Variants in SYT7 observed in about 807,000 individuals in gnomAD.
SYT7 encodes the protein synaptotagmin-7.
A neutral mutation model predicts 75.1 loss-of-function variants in SYT7; 29 were observed. The ratio of observed to expected loss-of-function variants is 0.39; its 90% CI spans 0.29 to 0.53. SYT7 has a LOEUF of 0.53. Ranked by LOEUF, SYT7 falls within the 20% of genes least tolerant of loss-of-function variation. The probability of loss-of-function intolerance (pLI) is 0.77; values close to 1 mark genes in which losing one functional copy is unlikely to be tolerated. For synonymous variants in SYT7, 376 were observed against 401.7 expected (o/e 0.94, Z 0.76); for missense variants, 693 against 953.2 (o/e 0.73, Z 3.59).
upstream of SYT7, among the ~76,000 whole-genome samples, chr11:61,585,854 G>C (rs1362761475): frequency 6.6e-6 from 1 of 152,130 alleles, no homozygotes; most frequent in East Asian, 1.9e-4. Flanking sequence ...ACCTCTGCCT[G>C]TTTCTCTGTT....
In SYT7 at chr11:61,553,294, C is replaced by T. The variant is rs2063404901; in HGVS notation, c.136-1831G>A. ...GCAGGACCCTCAGGCAGGAGCCCCG[C>T]CCCACTATTCTCCAGCACACAGGCA... On this transcript the variant is annotated intron_variant, in intron 2 of 12. Coordinates refer to ENST00000539008, the MANE Select transcript of SYT7 (RefSeq NM_001365809.2). This position sits in a 1 kb window ranked among gnomAD's most constrained non-coding sequence, Gnocchi z 5.2. 1.3e-5 allele frequency among the ~76,000 whole-genome samples: 2 copies of T among 152,238 alleles called. No homozygotes were observed. Among genetic ancestry groups the T allele is most frequent in the Non-Finnish European group, 2.9e-5 (2 of 68,036 alleles).
chr11:61,554,893 G>T (rs920373812), intron 2 of SYT7, among the ~76,000 whole-genome samples: 2 of 152,202 alleles, frequency 1.3e-5, no homozygotes, highest in African/African-American at 4.8e-5. Context: ...CTCCTCCCCA[G>T]GGGTCGGAGC....
chr11:61,551,379 C>T lies in SYT7; in HGVS notation c.215+5G>A. 6.2e-7 allele frequency: 1 copy of T among 1,613,700 alleles called. No homozygotes were observed. Among genetic ancestry groups the T allele is most frequent in the Non-Finnish European group, 8.5e-7 (1 of 1,179,908 alleles). On this transcript the variant is annotated splice_donor_5th_base_variant and intron_variant, in intron 3 of 12. Transcript: ENST00000539008. The surrounding 1 kb of genome is among the most constrained non-coding windows in gnomAD (Gnocchi z 5.3). ...CCCATCCCAAACTAGCAGCCTGGCA[C>T]CTACTTGATAGCCTTCTTCTCACTG...
chr11:61,525,229 G>A (rs919934289), intron 9 of SYT7, among the ~76,000 whole-genome samples: 1 of 152,230 alleles, frequency 6.6e-6, no homozygotes, highest in African/African-American at 2.4e-5. Flanking sequence ...GGCAGCCAGA[G>A]AGACCTTTTA....
intron 1 of SYT7, among the ~76,000 whole-genome samples, chr11:61,565,908 G>T (rs574910454): frequency 6.6e-6 from 1 of 152,386 alleles, no homozygotes; most frequent in Admixed American, 6.5e-5. Context: ...GCGCTGGCTG[G>T]GGCCGCAGAG....
intron 1 of SYT7, among the ~76,000 whole-genome samples, chr11:61,569,750 G>A (rs2063869674): frequency 6.6e-6 from 1 of 152,104 alleles, no homozygotes; most frequent in African/African-American, 2.4e-5. Flanking sequence ...AATTGCTGAA[G>A]GAAAACCCCA....
At chr11:61,559,662 A>G (rs1282201987) in intron 1 of SYT7, among the ~76,000 whole-genome samples, 1 of 151,922 alleles carries the variant, frequency 6.6e-6, no homozygotes, top group Non-Finnish European at 1.5e-5. Flanking sequence ...CCTCTTTGCC[A>G]TTGGGAATTC....
intron 1 of SYT7, among the ~76,000 whole-genome samples, chr11:61,565,122 C>T (rs764541125): frequency 6.6e-5 from 10 of 152,190 alleles, no homozygotes; most frequent in Admixed American, 2.0e-4. Flanking sequence ...CTGCAATACA[C>T]GTCAAGCCCC....
intron 3 of SYT7, among the ~76,000 whole-genome samples, 152 bp from the exon 4 acceptor site, chr11:61,547,460 C>A (rs1307418977): frequency 6.6e-6 from 1 of 152,196 alleles, no homozygotes; most frequent in Non-Finnish European, 1.5e-5. Flanking sequence ...GGAAGAAAGG[C>A]AGGCGGGCAC....
At chr11:61,583,132 C>A (rs536738284), upstream of SYT7, among the ~76,000 whole-genome samples, 179 of 151,996 alleles carry the variant, frequency 1.2e-3, no homozygotes, top group African/African-American at 4.2e-3. Context: ...GAGGCTGCGA[C>A]GGGAGGATGG....
rs1369515491 is a variant in SYT7 at position 61,523,525 on chromosome 11, C to G, written c.1757-251G>C. On this transcript the variant is annotated intron_variant, in intron 11 of 12. Coordinates refer to ENST00000539008, the MANE Select transcript of SYT7 (RefSeq NM_001365809.2). The surrounding 1 kb of genome is among the most constrained non-coding windows in gnomAD (Gnocchi z 5.0). Reference sequence around the variant, plus strand: ...AGAGGCCAGGTCTTGCCCAAAATCTCAGACAAGTAGCATCAGAGCTGGGGA... The same window carrying G: ...AGAGGCCAGGTCTTGCCCAAAATCTGAGACAAGTAGCATCAGAGCTGGGGA... Among the ~76,000 whole-genome samples the G allele has an allele frequency of 1.3e-5, 2 of 152,202 alleles. No homozygotes were observed. The highest frequency in any genetic ancestry group is 1.3e-4 in the Admixed American group (2 of 15,288).
chr11:61,546,460 T>G lies in SYT7; in HGVS notation c.348-205A>C. The G allele has an allele frequency of 2.0e-6, 1 of 512,118 alleles. No homozygotes were observed. Among genetic ancestry groups the G allele is most frequent in the Non-Finnish European group, 3.5e-6 (1 of 286,650 alleles). 31.7% of individuals were successfully genotyped at this position (512,118 alleles called of 1,614,324 possible). On this transcript the variant is annotated intron_variant, in intron 4 of 12. Transcript: ENST00000539008. The surrounding 1 kb of genome is among the most constrained non-coding windows in gnomAD (Gnocchi z 7.6). ...GAGAGAGAGAGAGAGACATCAGCAC[T>G]GCAAATGGGTTAACAGCGGAGCCTG...
At position 61,546,062 on chromosome 11, in the gene SYT7, G is replaced by T; in HGVS notation, c.541C>A (p.His181Asn). 3.3e-6 allele frequency: 5 copies of T among 1,533,082 alleles called. No homozygotes were observed. Among genetic ancestry groups the T allele is most frequent in the Non-Finnish European group, 4.4e-6 (5 of 1,145,572 alleles). 95.0% of individuals were successfully genotyped at this position (1,533,082 alleles called of 1,614,324 possible). A position where few individuals can be genotyped will look rare whatever the true frequency, so the allele number is the denominator to read the frequency against. ...GRGRWRTVQS[H>N]LAAGKLNLSN... Reference sequence around the variant, plus strand: ...AAGTTGAGCTTCCCTGCGGCCAGGTGGCTCTGCACCGTCCGCCAGCGGCCT... The same window carrying T: ...AAGTTGAGCTTCCCTGCGGCCAGGTTGCTCTGCACCGTCCGCCAGCGGCCT... Residue 181 changes from histidine (H) to asparagine (N), a missense_variant, in exon 5 of 13, where the codon CAC becomes AAC. Coordinates refer to ENST00000539008, the MANE Select transcript of SYT7 (RefSeq NM_001365809.2). This position sits in a 1 kb window ranked among gnomAD's most constrained non-coding sequence, Gnocchi z 7.6.
rs944429108 is a variant in SYT7, at chr11:61,576,833, C to A, written c.31+3957G>T. ...GCTAGAGGGTGTAACAAGGAGACAG[C>A]CCCCACTGGCACTCCATGTTGCCCT... On this transcript the variant is annotated intron_variant, in intron 1 of 12. Transcript: ENST00000539008. This position sits in a 1 kb window ranked among gnomAD's most constrained non-coding sequence, Gnocchi z 4.1. Among the ~76,000 whole-genome samples the A allele has an allele frequency of 2.6e-5, 4 of 152,108 alleles. No individual in the cohort carries two copies. The highest frequency in any genetic ancestry group is 5.9e-5 in the Non-Finnish European group (4 of 68,010).
upstream of SYT7, among the ~76,000 whole-genome samples, chr11:61,583,225 CAA>C (rs1253126945): frequency 7.0e-6 from 1 of 143,570 alleles, no homozygotes. Context: ...AGCCCGGTCT[CAA>C]AAAAAAAAAG....
rs921193491 is a variant in SYT7, at chr11:61,518,245, G to C, written c.*382C>G. On this transcript the variant is annotated 3_prime_UTR_variant, in exon 13 of 13. Transcript: ENST00000539008. ...CGGGTCCACATCGGGGGCTGGAGAG[G>C]GAGTGGCCTCTCTCCACTCCAGGTG... is the stretch of plus-strand genomic sequence containing the variant. The C allele has an allele frequency of 2.9e-5, 5 of 174,598 alleles. No homozygotes were observed. Among genetic ancestry groups the C allele is most frequent in the Non-Finnish European group, 6.0e-5 (5 of 82,890 alleles). The allele number at this position is 174,598 out of a possible 1,614,324, so 10.8% of individuals were successfully genotyped here.
intron 8 of SYT7, 69 bp downstream of exon 8, chr11:61,532,920 T>A: frequency 6.3e-7 from 1 of 1,591,040 alleles, no homozygotes; most frequent in Non-Finnish European, 8.5e-7. Flanking sequence ...CCCACACACA[T>A]CCCTCTTCTT....
At chr11:61,550,436 C>T (rs2063316802) in intron 3 of SYT7, among the ~76,000 whole-genome samples, 1 of 151,746 alleles carries the variant, frequency 6.6e-6, no homozygotes, top group Admixed American at 6.6e-5. Flanking sequence ...CGGGCAGGGG[C>T]CAGAGGGCAG....
At position 61,542,072 on chromosome 11, in the gene SYT7, G is replaced by A. The variant is rs2063057509; in HGVS notation, c.941+139C>T. On this transcript the variant is annotated intron_variant, in intron 6 of 12. Coordinates refer to ENST00000539008, the MANE Select transcript of SYT7 (RefSeq NM_001365809.2). The surrounding 1 kb of genome is among the most constrained non-coding windows in gnomAD (Gnocchi z 7.8). ...GGAGCCACAAGAGGCTAAGGAGGGG[G>A]CTGCCAAGTCTGCTTGGCACCCTGC... is the stretch of plus-strand genomic sequence containing the variant. 6.0e-6 allele frequency: 7 copies of A among 1,174,922 alleles called. No homozygotes were observed. Among genetic ancestry groups the A allele is most frequent in the Admixed American group, 6.0e-5 (2 of 33,398 alleles). The allele number at this position is 1,174,922 out of a possible 1,614,324, so 72.8% of individuals were successfully genotyped here.
Sources: gnomAD v4.1 joint callset for allele counts (sites outside exome capture counted in the v4.1 genomes callset) on GRCh38, gnomAD v4.1.1 for gene constraint, Gnocchi (gnomAD v3.1) non-coding constraint, MANE v1.5 for transcripts, NCBI Gene and HGNC (gene_info 2026-07-23, HGNC 2026-07-21) for gene names.